PCP4: variants seen among roughly 807,000 people sequenced by gnomAD.
PCP4 encodes calmodulin regulator protein PCP4.
PCP4 carries 8 observed loss-of-function variants against 10.0 expected under a neutral mutation model. That is an observed-to-expected ratio of 0.80 (90% CI 0.47 to 1.45). The LOEUF (loss-of-function observed/expected upper bound fraction) is 1.45, where lower values mean the gene tolerates loss of function less well. Ranked by LOEUF, PCP4 falls within the 40% of genes most tolerant of loss-of-function variation. PCP4 has a pLI of 0.00. For synonymous variants in PCP4, 21 were observed against 23.0 expected (o/e 0.91, Z 0.24); for missense variants, 54 against 74.4 (o/e 0.73, Z 1.01).
At chr21:39,878,060 T>C (rs1216261209) in intron 1 of PCP4, among the ~76,000 whole-genome samples, 1 of 152,174 alleles carries the variant, frequency 6.6e-6, no homozygotes, top group East Asian at 1.9e-4. Context: ...CACTATATCA[T>C]TGAACTCCCA....
At position 39,909,517 on chromosome 21, in the gene PCP4, T is replaced by G. The variant is rs1372257591; in HGVS notation, c.61+10990T>G. Among the ~76,000 whole-genome samples the G allele has an allele frequency of 7.9e-5, 12 of 152,368 alleles. No individual in the cohort carries two copies. In the East Asian group the frequency reaches 2.3e-3, roughly 29 times the overall value. On this transcript the variant is annotated intron_variant, in intron 2 of 2. Coordinates refer to ENST00000328619, the MANE Select transcript of PCP4 (RefSeq NM_006198.3). Reference sequence around the variant, plus strand: ...CACCTGCTGGGATCTCCTTGCATTCTGGTCATGGTTTTTCTGTTCCAGTTG... The same window carrying G: ...CACCTGCTGGGATCTCCTTGCATTCGGGTCATGGTTTTTCTGTTCCAGTTG...
intron 1 of PCP4, 139 bp from the exon 2 acceptor site, chr21:39,898,337 C>A: frequency 1.3e-6 from 1 of 774,982 alleles, no homozygotes; most frequent in African/African-American, 1.7e-5. Context: ...CTCTCACTAG[C>A]ACAGTGCTTT....
At chr21:39,881,765 A>G (rs555704348) in intron 1 of PCP4, among the ~76,000 whole-genome samples, 9 of 152,364 alleles carry the variant, frequency 5.9e-5, no homozygotes, top group African/African-American at 1.9e-4. Flanking sequence ...GGACTGAGGC[A>G]TAATATGTCT....
At position 39,926,319 on chromosome 21, in the gene PCP4, A is replaced by G. The variant is rs187563472; in HGVS notation, c.62-2665A>G. The G allele has an allele frequency of 5.9e-4, 103 of 173,188 alleles. 1 individual carries two copies. Among genetic ancestry groups the G allele is most frequent in the African/African-American group, 2.3e-3 (98 of 42,236 alleles). The allele number at this position is 173,188 out of a possible 1,614,324, so 10.7% of individuals were successfully genotyped here. ...TTCTGTGAACTGTCCTCACTGTTTCATTATATATTTCCTTAATATACATAA... is the reference window on the plus strand; with the variant it reads ...TTCTGTGAACTGTCCTCACTGTTTCGTTATATATTTCCTTAATATACATAA... On this transcript the variant is annotated intron_variant, in intron 2 of 2. Coordinates refer to ENST00000328619, the MANE Select transcript of PCP4 (RefSeq NM_006198.3).
At chr21:39,924,348 A>G (rs1285425324) in intron 2 of PCP4, among the ~76,000 whole-genome samples, 2 of 152,168 alleles carry the variant, frequency 1.3e-5, no homozygotes, top group Non-Finnish European at 2.9e-5. Context: ...CAGAGAAGCT[A>G]AGAACTTTTT....
At chr21:39,889,412 T>A (rs947144439) in intron 1 of PCP4, among the ~76,000 whole-genome samples, 2 of 21,586 alleles carry the variant, frequency 9.3e-5, no homozygotes, top group African/African-American at 3.1e-4. Flanking sequence ...AACCAAGTTC[T>A]TTTTTTTTTT....
At chr21:39,895,899 A>G (rs1166266719) in intron 1 of PCP4, among the ~76,000 whole-genome samples, 2 of 152,210 alleles carry the variant, frequency 1.3e-5, no homozygotes, top group African/African-American at 4.8e-5. Flanking sequence ...CTCCATTGAA[A>G]ATGTCAAAAG....
intron 2 of PCP4, among the ~76,000 whole-genome samples, chr21:39,925,651 T>C (rs909534667): frequency 6.6e-6 from 1 of 152,090 alleles, no homozygotes; most frequent in African/African-American, 2.4e-5. Flanking sequence ...GGGAATGTCC[T>C]CTCCTAGGGC....
chr21:39,890,324 CCTGT>C (rs1238231538), intron 1 of PCP4, among the ~76,000 whole-genome samples: 5 of 152,140 alleles, frequency 3.3e-5, no homozygotes, highest in East Asian at 1.9e-4. Flanking sequence ...TCATTCCAAT[CCTGT>C]CTATTTCAAA....
At chr21:39,897,567 G>T (rs1437305517) in intron 1 of PCP4, among the ~76,000 whole-genome samples, 1 of 151,958 alleles carries the variant, frequency 6.6e-6, no homozygotes, top group Admixed American at 6.6e-5. Context: ...CATTTCACGC[G>T]GCTCCCCAGA....
chr21:39,885,097 T>C (rs1306037186), intron 1 of PCP4, among the ~76,000 whole-genome samples: 1 of 152,250 alleles, frequency 6.6e-6, no homozygotes, highest in East Asian at 1.9e-4. Flanking sequence ...GAGTGACCTA[T>C]GTTCCTGGTC....
chr21:39,922,945 C>T (rs1166340290), intron 2 of PCP4, among the ~76,000 whole-genome samples: 1 of 152,146 alleles, frequency 6.6e-6, no homozygotes, highest in Non-Finnish European at 1.5e-5. Flanking sequence ...CTATAGTGAT[C>T]AATAAGTCGG....
chr21:39,891,944 A>AG (rs1380938662), intron 1 of PCP4, among the ~76,000 whole-genome samples: 1 of 152,244 alleles, frequency 6.6e-6, no homozygotes, highest in Admixed American at 6.5e-5. Flanking sequence ...TGACCATTGA[A>AG]GCACAGCACC....
intron 2 of PCP4, among the ~76,000 whole-genome samples, chr21:39,908,465 G>T (rs763623025): frequency 6.6e-5 from 10 of 152,212 alleles, no homozygotes; most frequent in Non-Finnish European, 1.0e-4. Flanking sequence ...CAGGCCAACT[G>T]GGAAATGGGG....
chr21:39,887,298 G>A (rs1189959876), intron 1 of PCP4, among the ~76,000 whole-genome samples: 3 of 151,336 alleles, frequency 2.0e-5, no homozygotes, highest in Non-Finnish European at 4.4e-5. Flanking sequence ...AAAGGTTAAT[G>A]CCTTTGTCAT....
chr21:39,896,015 T>C (rs2087455241), intron 1 of PCP4, among the ~76,000 whole-genome samples: 1 of 152,210 alleles, frequency 6.6e-6, no homozygotes, highest in African/African-American at 2.4e-5. Context: ...ACGACATAAA[T>C]CACCTTCATT....
At chr21:39,874,818 G>T (rs2087337354) in intron 1 of PCP4, among the ~76,000 whole-genome samples, 1 of 151,952 alleles carries the variant, frequency 6.6e-6, no homozygotes, top group Non-Finnish European at 1.5e-5. Context: ...CCCGGTGAAT[G>T]GCTGAAAGTG....
Position 39,888,601 on chromosome 21 carries a change from G to A in PCP4, c.10-9875G>A, listed in dbSNP as rs77203338. ...CACACCTCCCTCAAGAGCTGACAGC[G>A]GTGTGAGTTAGGGGACTCCCCCGCT... On this transcript the variant is annotated intron_variant, in intron 1 of 2. Transcript: ENST00000328619. Among the ~76,000 whole-genome samples, 1,271 of 152,274 alleles carry A rather than the reference G, an allele frequency of 8.3e-3. 19 individuals carry two copies. The highest frequency in any genetic ancestry group is 0.029 in the African/African-American group (1,213 of 41,554).
chr21:39,874,347 G>A (rs772347326), intron 1 of PCP4, among the ~76,000 whole-genome samples: 33 of 152,116 alleles, frequency 2.2e-4, no homozygotes, highest in Non-Finnish European at 4.6e-4. Flanking sequence ...TATTATTTAC[G>A]ACGGTTTGAT....
Sources: gnomAD v4.1 joint callset for allele counts (sites outside exome capture counted in the v4.1 genomes callset) on GRCh38, gnomAD v4.1.1 for gene constraint, MANE v1.5 for transcripts, NCBI Gene and HGNC (gene_info 2026-07-23, HGNC 2026-07-21) for gene names.